Variants in WBP4 observed in about 807,000 individuals in gnomAD.
The protein encoded by WBP4 is WW domain binding protein 4, also known as WW domain-binding protein 4.
Under a neutral mutation model 55.4 loss-of-function variants are expected in WBP4, and 37 were observed. The ratio of observed to expected loss-of-function variants is 0.67; its 90% CI spans 0.51 to 0.88. The LOEUF is 0.88. Ranked by LOEUF, WBP4 falls within the 40% of genes least tolerant of loss-of-function variation. The probability of loss-of-function intolerance (pLI) is 0.00; values close to 1 mark genes in which losing one functional copy is unlikely to be tolerated. For missense variants in WBP4, 398 were observed against 420.8 expected (o/e 0.95, Z 0.47); for synonymous variants, 142 against 140.2 (o/e 1.01, Z -0.09).
intron 1 of WBP4, 115 bp from the exon 2 acceptor site, chr13:41,062,527 CAA>C (rs1877733799): frequency 1.1e-6 from 1 of 918,192 alleles, no homozygotes. Flanking sequence ...CTATACATAA[CAA>C]GACAAGATTC....
intron 8 of WBP4, among the ~76,000 whole-genome samples, chr13:41,080,156 A>G (rs1878704425): frequency 6.6e-6 from 1 of 152,240 alleles, no homozygotes; most frequent in Admixed American, 6.5e-5. Flanking sequence ...GTACTTCACC[A>G]TGACATAATA....
intron 8 of WBP4, among the ~76,000 whole-genome samples, chr13:41,079,792 G>A (rs147719119): frequency 3.3e-5 from 5 of 152,246 alleles, no homozygotes; most frequent in Non-Finnish European, 7.4e-5. Context: ...GTTCACAATA[G>A]CAAAAAGTAA....
chr13:41,076,173 G>T lies in WBP4; in HGVS notation c.692G>T (p.Gly231Val), dbSNP rs141793449. ...KSSDSHSDSD[G>V]EQEAEEGGVS... is the part of the protein sequence containing the mutation. ...TCAGATTCGCATAGTGATTCTGATG[G>T]GGAACAGGAAGCAGAAGAAGGAGGG... Residue 231 changes from glycine to valine, a missense_variant, in exon 8 of 10, where the codon GGG (glycine) becomes GTG (valine). Coordinates refer to ENST00000379487, the MANE Select transcript of WBP4 (RefSeq NM_007187.5). The T allele has an allele frequency of 7.4e-5, 120 of 1,612,682 alleles. No individual in the cohort carries two copies. In the African/African-American group the frequency reaches 1.5e-3, roughly 21 times the overall value.
chr13:41,066,200 A>G (rs913843195), intron 4 of WBP4, among the ~76,000 whole-genome samples: 1 of 152,208 alleles, frequency 6.6e-6, no homozygotes, highest in East Asian at 1.9e-4. Flanking sequence ...GAGTCCAACT[A>G]TTATCAATTA....
intron 8 of WBP4, among the ~76,000 whole-genome samples, chr13:41,078,934 A>G (rs1025943913): frequency 2.0e-5 from 3 of 152,204 alleles, no homozygotes; most frequent in African/African-American, 7.2e-5. Flanking sequence ...CTTCAAAAGT[A>G]AACACAAAAA....
chr13:41,061,739 G>C (rs1011920561), intron 1 of WBP4, 64 bp downstream of exon 1: 11 of 1,609,204 alleles, frequency 6.8e-6, no homozygotes, highest in South Asian at 1.1e-5. Context: ...TTTCTCGCCC[G>C]GGTCTTCCCC....
intron 2 of WBP4, among the ~76,000 whole-genome samples, chr13:41,063,909 CAG>C (rs1416971356): frequency 2.6e-5 from 4 of 152,006 alleles, no homozygotes; most frequent in African/African-American, 4.8e-5. Context: ...ATTTGATTGA[CAG>C]AACTTATTTT....
At chr13:41,072,160 A>G (rs540555831) in intron 6 of WBP4, among the ~76,000 whole-genome samples, 1 of 152,226 alleles carries the variant, frequency 6.6e-6, no homozygotes, top group South Asian at 2.1e-4. Flanking sequence ...TTTGGAAGGA[A>G]TTGTTCCTGG....
chr13:41,079,344 G>GCAGATACTTGAGGTCAGGAGTT (rs1401966694), intron 8 of WBP4, among the ~76,000 whole-genome samples: 1 of 152,054 alleles, frequency 6.6e-6, no homozygotes, highest in Non-Finnish European at 1.5e-5. Context: ...GCTGAGGCTG[G>GCAGATACTTGAGGTCAGGAGTT]CAGATACTTG....
rs138757797 is a variant in WBP4, at chr13:41,071,534, G to A, written c.447G>A (p.Gln149=). 60 of 1,607,254 alleles carry A rather than the reference G, an allele frequency of 3.7e-5. No homozygotes were observed. The African/African-American group carries it at 6.2e-4, about 17-fold the overall frequency. The change falls in exon 6 of 10, where the codon CAG becomes CAA. Residue 149 remains glutamine, a synonymous_variant. Transcript: ENST00000379487. ...AATATATTTTGCTTTAAGCATCTCA[G>A]TGGGAGAAACCTGAAGGATTTCAAG... ...YYYDLISGAS[Q]WEKPEGFQGD...
At position 41,071,567 on chromosome 13, in the gene WBP4, A is replaced by T; in HGVS notation, c.480A>T (p.Leu160Phe). ...AACCTGAAGGATTTCAAGGAGACTT[A>T]AAAAAGGTAATTGAAGCATATTAAT... ...WEKPEGFQGD[L>F]KKTAVKTVWV... is the part of the protein sequence containing the mutation. Residue 160 changes from leucine to phenylalanine, a missense_variant, in exon 6 of 10, where the codon TTA becomes TTT. Physicochemically the swap from Leu to Phe is conservative, Grantham distance 22. Coordinates refer to ENST00000379487, the MANE Select transcript of WBP4 (RefSeq NM_007187.5). The T allele has an allele frequency of 6.2e-7, 1 of 1,607,224 alleles. No homozygotes were observed. The highest frequency in any genetic ancestry group is 8.5e-7 in the Non-Finnish European group (1 of 1,176,022).
At chr13:41,081,237 G>A (rs781413820) in intron 9 of WBP4, among the ~76,000 whole-genome samples, 3 of 151,290 alleles carry the variant, frequency 2.0e-5, no homozygotes, top group Non-Finnish European at 2.9e-5. Flanking sequence ...GGTGGCTCAC[G>A]CCTGTAATCC....
intron 2 of WBP4, among the ~76,000 whole-genome samples, chr13:41,064,067 A>AT (rs372849800): frequency 1.5e-3 from 209 of 140,764 alleles, no homozygotes; most frequent in African/African-American, 3.0e-3. Flanking sequence ...ATAGGTTATC[A>AT]TTTTTTTTTT....
intron 2 of WBP4, among the ~76,000 whole-genome samples, chr13:41,063,474 A>ATT (rs35118756): frequency 3.3e-4 from 50 of 151,440 alleles, no homozygotes; most frequent in Admixed American, 5.3e-4. Flanking sequence ...TAGGATTTGG[A>ATT]TTTTTTTTTG....
In WBP4 at chr13:41,079,087, C is replaced by T. The variant is rs183257183; in HGVS notation, c.757-1559C>T. On this transcript the variant is annotated intron_variant, in intron 8 of 9. Transcript: ENST00000379487. Reference sequence around the variant, plus strand: ...CAACACAGGACTAATATCCAGAATCCGCAAGGGACTCAACAAGAAAAAAAC... The same window carrying T: ...CAACACAGGACTAATATCCAGAATCTGCAAGGGACTCAACAAGAAAAAAAC... Among the ~76,000 whole-genome samples, 471 of 152,098 alleles carry T rather than the reference C, an allele frequency of 3.1e-3. 4 individuals are homozygous for T. Among genetic ancestry groups the T allele is most frequent in the African/African-American group, 0.011 (449 of 41,492 alleles).
chr13:41,070,525 G>A (rs1014081187), intron 5 of WBP4, among the ~76,000 whole-genome samples: 2 of 151,670 alleles, frequency 1.3e-5, no homozygotes, highest in African/African-American at 4.8e-5. Context: ...ACTTAGATAC[G>A]AGATAAGGAA....
chr13:41,078,416 TC>T (rs1400717723), intron 8 of WBP4, among the ~76,000 whole-genome samples: 1 of 152,132 alleles, frequency 6.6e-6, no homozygotes, highest in Non-Finnish European at 1.5e-5. Context: ...CAATAAATGA[TC>T]CTGGGAAAAC....
intron 2 of WBP4, among the ~76,000 whole-genome samples, chr13:41,063,009 C>G (rs548931902): frequency 3.7e-4 from 57 of 152,148 alleles, no homozygotes; most frequent in African/African-American, 1.4e-3. Flanking sequence ...TGGTGGTGTT[C>G]ATAATACTGT....
chr13:41,074,846 C>T lies in WBP4; in HGVS notation c.563-1198C>T, dbSNP rs9566684. 2.7e-3 allele frequency among the ~76,000 whole-genome samples: 415 copies of T among 152,112 alleles called. 8 individuals are homozygous for T. The East Asian group carries it at 0.049, about 18-fold the overall frequency. ...CCTGTCTCTACTAAAAATACAAAACCTAGCTGGGCGTGGTGGCGCTTGCCT... is the reference window on the plus strand; with the variant it reads ...CCTGTCTCTACTAAAAATACAAAACTTAGCTGGGCGTGGTGGCGCTTGCCT... On this transcript the variant is annotated intron_variant, in intron 7 of 9. Transcript: ENST00000379487.
Sources: allele counts gnomAD v4.1 joint callset (sites outside exome capture counted in the v4.1 genomes callset), GRCh38; gene constraint gnomAD v4.1.1; transcripts MANE v1.5; gene names NCBI Gene and HGNC (gene_info 2026-07-23, HGNC 2026-07-21).